Variants in YAP1 observed in about 807,000 individuals in gnomAD.
The protein encoded by YAP1 is transcriptional coactivator YAP1.
YAP1 carries 5 observed loss-of-function variants against 56.9 expected under a neutral mutation model. The observed-to-expected ratio is 0.09, with a 90% CI of 0.05 to 0.18. The LOEUF (loss-of-function observed/expected upper bound fraction) is 0.18, where lower values mean the gene tolerates loss of function less well. YAP1 is among the 10% of genes least tolerant of loss of function. YAP1 has a pLI of 1.00. For missense variants in YAP1, 539 were observed against 651.8 expected, an observed-to-expected ratio of 0.83 and a Z score of 1.88; for synonymous variants, 265 against 248.1, an observed-to-expected ratio of 1.07 and a Z score of -0.64.
At chr11:102,118,656 C>T (rs867743218) in intron 2 of YAP1, among the ~76,000 whole-genome samples, 8 of 150,342 alleles carry the variant, frequency 5.3e-5, no homozygotes, top group Middle Eastern at 3.4e-3. Context: ...GAGACTGAGG[C>T]AGGAGAATTG....
intron 4 of YAP1, among the ~76,000 whole-genome samples, chr11:102,205,637 C>G (rs186694818): frequency 1.9e-3 from 285 of 151,806 alleles, no homozygotes; most frequent in Non-Finnish European, 3.1e-3. Context: ...TTAGTAAGTC[C>G]TTAGAAACTG....
chr11:102,150,802 G>GTTTT (rs370378973), intron 2 of YAP1, among the ~76,000 whole-genome samples: 6,939 of 107,824 alleles, frequency 0.064, 536 homozygotes, highest in African/African-American at 0.11. Context: ...CATACAAATG[G>GTTTT]TTTTTTTTTT....
At chr11:102,125,781 C>T (rs920998606) in intron 2 of YAP1, among the ~76,000 whole-genome samples, 2 of 151,974 alleles carry the variant, frequency 1.3e-5, no homozygotes, top group African/African-American at 2.4e-5. Context: ...AATATAATAT[C>T]TCCCTTAGGA....
intron 6 of YAP1, among the ~76,000 whole-genome samples, chr11:102,222,576 A>T (rs1949985025): frequency 6.6e-6 from 1 of 152,232 alleles, no homozygotes; most frequent in South Asian, 2.1e-4. Context: ...TCAGGTTTAC[A>T]GGGAGAATCC....
At chr11:102,129,102 G>A (rs1413188485) in intron 2 of YAP1, among the ~76,000 whole-genome samples, 1 of 152,166 alleles carries the variant, frequency 6.6e-6, no homozygotes. Flanking sequence ...GCAGTATACT[G>A]CATAAGTTAA....
intron 2 of YAP1, among the ~76,000 whole-genome samples, chr11:102,143,816 T>A (rs778233432): frequency 6.6e-6 from 1 of 152,244 alleles, no homozygotes; most frequent in Non-Finnish European, 1.5e-5. Context: ...TCAGTTTTTG[T>A]ATGATAACTG....
chr11:102,144,369 T>A (rs1038167935), intron 2 of YAP1, among the ~76,000 whole-genome samples: 1 of 152,136 alleles, frequency 6.6e-6, no homozygotes. Flanking sequence ...GAGAAAAAAA[T>A]TTATGTAAAG....
intron 2 of YAP1, among the ~76,000 whole-genome samples, chr11:102,139,885 T>A (rs1428477157): frequency 2.6e-5 from 4 of 152,174 alleles, no homozygotes; most frequent in Admixed American, 2.6e-4. Context: ...TTTTTTTAAA[T>A]GGTGACAGAA....
In YAP1 at chr11:102,210,341, A is replaced by G. The variant is rs71478556; in HGVS notation, c.1032+777A>G. ...CCATATAATGCCTCACCTTCTATGT[A>G]ACTTACTCTGCACTATGCTAAATAA... is the stretch of plus-strand genomic sequence containing the variant. On this transcript the variant is annotated intron_variant, in intron 6 of 8. Coordinates refer to ENST00000282441, the MANE Select transcript of YAP1 (RefSeq NM_001130145.3). 2.9e-3 allele frequency among the ~76,000 whole-genome samples: 438 copies of G among 152,284 alleles called. 2 individuals carry two copies. The highest frequency in any genetic ancestry group is 4.4e-3 in the Non-Finnish European group (297 of 68,024).
At position 102,202,132 on chromosome 11, in the gene YAP1, C is replaced by T. The variant is rs373538485; in HGVS notation, c.803-3761C>T. Among the ~76,000 whole-genome samples, 65 of 151,994 alleles carry T rather than the reference C, an allele frequency of 4.3e-4. 1 individual carries two copies. The highest frequency in any genetic ancestry group is 3.4e-3 in the Middle Eastern group (1 of 294). ...ATTTCATAATGATTTTTTTTCCCTT[C>T]GCTCCAGGTAGCAGAGTATCAGAAT... is the stretch of plus-strand genomic sequence containing the variant. On this transcript the variant is annotated intron_variant, in intron 4 of 8. Coordinates refer to ENST00000282441, the MANE Select transcript of YAP1 (RefSeq NM_001130145.3).
chr11:102,132,126 TA>T (rs981831452), intron 2 of YAP1, among the ~76,000 whole-genome samples: 6 of 149,692 alleles, frequency 4.0e-5, no homozygotes, highest in African/African-American at 1.2e-4. Context: ...TCAAAAAAAA[TA>T]AAAAAAAAGA....
chr11:102,161,377 C>T (rs937851283), intron 2 of YAP1, among the ~76,000 whole-genome samples: 37 of 151,776 alleles, frequency 2.4e-4, no homozygotes, highest in African/African-American at 8.0e-4. Context: ...CACACACACA[C>T]ACACACACAC....
chr11:102,152,350 A>G (rs1428525909), intron 2 of YAP1, among the ~76,000 whole-genome samples: 3 of 152,204 alleles, frequency 2.0e-5, no homozygotes, highest in African/African-American at 7.2e-5. Flanking sequence ...CTCTTCTACC[A>G]GTGACCCCGA....
At chr11:102,143,977 A>G (rs527558671) in intron 2 of YAP1, among the ~76,000 whole-genome samples, 1 of 152,354 alleles carries the variant, frequency 6.6e-6, no homozygotes, top group East Asian at 1.9e-4. Context: ...CCTTCATCAT[A>G]AAGACGTGTA....
intron 4 of YAP1, among the ~76,000 whole-genome samples, chr11:102,189,970 G>A (rs1472958870): frequency 6.6e-6 from 1 of 152,060 alleles, no homozygotes; most frequent in Non-Finnish European, 1.5e-5. Flanking sequence ...TCCTTTTGAT[G>A]AAAATGCACC....
chr11:102,224,694 G>T (rs146138986), intron 7 of YAP1, among the ~76,000 whole-genome samples: 1 of 152,300 alleles, frequency 6.6e-6, no homozygotes, highest in Non-Finnish European at 1.5e-5. Flanking sequence ...ATTAGTACTG[G>T]TGGCCTAGTT....
intron 4 of YAP1, among the ~76,000 whole-genome samples, chr11:102,199,875 C>T (rs1948762568): frequency 1.3e-5 from 2 of 152,212 alleles, no homozygotes; most frequent in Non-Finnish European, 2.9e-5. Flanking sequence ...ACAATGTTTA[C>T]AAGGATTGAC....
At chr11:102,219,236 A>G (rs2135678223) in intron 6 of YAP1, among the ~76,000 whole-genome samples, 1 of 152,318 alleles carries the variant, frequency 6.6e-6, no homozygotes, top group African/African-American at 2.4e-5. Flanking sequence ...ATACATCCTC[A>G]TATTTTAAGA....
chr11:102,126,303 C>G (rs997674912), intron 2 of YAP1, among the ~76,000 whole-genome samples: 2 of 152,114 alleles, frequency 1.3e-5, no homozygotes, highest in Non-Finnish European at 2.9e-5. Flanking sequence ...TTTACTGAAT[C>G]CTTGATATGG....
Sources: gnomAD v4.1 joint callset for allele counts (sites outside exome capture counted in the v4.1 genomes callset) on GRCh38, gnomAD v4.1.1 for gene constraint, MANE v1.5 for transcripts, NCBI Gene and HGNC (gene_info 2026-07-23, HGNC 2026-07-21) for gene names.